The following FGF14 variants were observed in gnomAD, a reference collection of about 807,000 sequenced individuals.
FGF14 encodes fibroblast growth factor homologous factor 4.
Under a neutral mutation model 25.5 loss-of-function variants are expected in FGF14, and 5 were observed. The observed-to-expected ratio is 0.20, with a 90% CI of 0.10 to 0.41. The LOEUF (loss-of-function observed/expected upper bound fraction) is 0.41, where lower values mean the gene tolerates loss of function less well. FGF14 is among the 10% of genes least tolerant of loss of function. The pLI, the probability that FGF14 is intolerant of heterozygous loss-of-function variation, is 1.00. For missense variants in FGF14, 222 were observed against 320.1 expected (o/e 0.69, Z 2.34); for synonymous variants, 138 against 118.3 (o/e 1.17, Z -1.08).
intron 1 of FGF14, among the ~76,000 whole-genome samples, chr13:101,906,753 T>C (rs1324240764): frequency 2.0e-5 from 3 of 152,180 alleles, no homozygotes; most frequent in Admixed American, 6.6e-5. Flanking sequence ...AAGCTGTTTG[T>C]CATTTTGACA....
intron 3 of FGF14, among the ~76,000 whole-genome samples, chr13:101,790,268 T>C (rs2140086564): frequency 6.6e-6 from 1 of 152,256 alleles, no homozygotes; most frequent in East Asian, 1.9e-4. Flanking sequence ...CCATCTTTTA[T>C]GTAATTATAT....
intron 2 of FGF14, among the ~76,000 whole-genome samples, chr13:101,870,975 A>AATAAATAC (rs1555302665): frequency 1.4e-3 from 216 of 150,480 alleles, no homozygotes; most frequent in African/African-American, 1.8e-3. Context: ...TAAATAAATA[A>AATAAATAC]ATACATACAT....
chr13:102,359,835 C>T (rs181911668), intron 1 of FGF14, among the ~76,000 whole-genome samples: 118 of 147,732 alleles, frequency 8.0e-4, no homozygotes, highest in Middle Eastern at 3.5e-3. Context: ...GAGAAATAAA[C>T]CAAAATCAAC....
intron 1 of FGF14, among the ~76,000 whole-genome samples, chr13:102,089,915 A>G (rs981089293): frequency 2.6e-5 from 4 of 152,232 alleles, no homozygotes; most frequent in Non-Finnish European, 5.9e-5. Flanking sequence ...GTTTATACTT[A>G]GAAACTCTCT....
intron 1 of FGF14, among the ~76,000 whole-genome samples, chr13:102,170,339 T>C (rs1252379273): frequency 6.6e-6 from 1 of 152,068 alleles, no homozygotes; most frequent in Admixed American, 6.6e-5. Flanking sequence ...CTTCTCCCTG[T>C]CCTCCTCCTC....
intron 1 of FGF14, among the ~76,000 whole-genome samples, chr13:102,373,842 A>G (rs922661154): frequency 6.6e-6 from 1 of 152,144 alleles, no homozygotes; most frequent in Admixed American, 6.6e-5. Context: ...CTCTACCTTG[A>G]ATGCACACTG....
At chr13:102,340,714 T>C (rs1310881058) in intron 1 of FGF14, among the ~76,000 whole-genome samples, 2 of 152,138 alleles carry the variant, frequency 1.3e-5, no homozygotes, top group East Asian at 3.9e-4. Context: ...AAGAAGGCAG[T>C]CATAAAATGC....
At chr13:101,815,900 G>C (rs902393894) in intron 3 of FGF14, among the ~76,000 whole-genome samples, 23 of 152,158 alleles carry the variant, frequency 1.5e-4, no homozygotes, top group Non-Finnish European at 2.9e-4. Flanking sequence ...CTCTTAGCTA[G>C]AGACAAGGGG....
At chr13:102,252,822 T>A (rs1013178247) in intron 1 of FGF14, among the ~76,000 whole-genome samples, 2 of 151,994 alleles carry the variant, frequency 1.3e-5, no homozygotes, top group African/African-American at 4.8e-5. Flanking sequence ...CTCCCTTAGC[T>A]CCCCACCCCA....
intron 1 of FGF14, among the ~76,000 whole-genome samples, chr13:101,884,647 C>CTCCCACAAAGTA (rs1377772490): frequency 6.6e-6 from 1 of 152,096 alleles, no homozygotes; most frequent in East Asian, 1.9e-4. Flanking sequence ...AGAATCAACT[C>CTCCCACAAAGTA]TCCCACAAAG....
chr13:102,082,750 C>T (rs2043688825), intron 1 of FGF14, among the ~76,000 whole-genome samples: 1 of 151,832 alleles, frequency 6.6e-6, no homozygotes, highest in Non-Finnish European at 1.5e-5. Context: ...GTCAGGAGAT[C>T]GAGACCATCC....
At chr13:102,150,188 C>T (rs1398762518) in intron 1 of FGF14, among the ~76,000 whole-genome samples, 1 of 152,072 alleles carries the variant, frequency 6.6e-6, no homozygotes, top group South Asian at 2.1e-4. Flanking sequence ...GAATCTCGAC[C>T]TCAGAGATTA....
At chr13:102,099,220 G>A (rs1358925676) in intron 1 of FGF14, among the ~76,000 whole-genome samples, 1 of 152,194 alleles carries the variant, frequency 6.6e-6, no homozygotes, top group Non-Finnish European at 1.5e-5. Flanking sequence ...GACACAGAGA[G>A]AAGATAAATG....
At position 101,978,092 on chromosome 13, in the gene FGF14, A is replaced by G. The variant is rs1028507175; in HGVS notation, c.209-102796T>C. On this transcript the variant is annotated intron_variant, in intron 1 of 4. Coordinates refer to the FGF14 transcript ENST00000376131. The stretch of plus-strand genomic sequence containing the variant: ...ACTCTGTGATTAACTCCACTCATAT[A>G]TCTTCCAAAACAGGGAGATTTAAAC... Among the ~76,000 whole-genome samples, 4 of 152,344 alleles carry G rather than the reference A, an allele frequency of 2.6e-5. No individual in the cohort carries two copies. The South Asian group carries it at 8.3e-4, about 32-fold the overall frequency.
intron 1 of FGF14, among the ~76,000 whole-genome samples, chr13:102,093,764 G>A (rs1166324514): frequency 6.6e-6 from 1 of 150,512 alleles, no homozygotes; most frequent in Non-Finnish European, 1.5e-5. Flanking sequence ...GAGGTCTGCA[G>A]CTGTGGTTTC....
intron 3 of FGF14, among the ~76,000 whole-genome samples, chr13:101,762,045 C>T (rs1389699437): frequency 1.3e-5 from 2 of 152,252 alleles, no homozygotes; most frequent in South Asian, 2.1e-4. Flanking sequence ...GTGTAGCAAC[C>T]ATGTGAGGTA....
At chr13:101,980,049 G>T (rs969985882) in intron 1 of FGF14, among the ~76,000 whole-genome samples, 6 of 152,154 alleles carry the variant, frequency 3.9e-5, no homozygotes, top group African/African-American at 1.2e-4. Flanking sequence ...GAAATGCCAA[G>T]ACTCATGCTG....
intron 1 of FGF14, among the ~76,000 whole-genome samples, chr13:102,191,629 A>C (rs2049127637): frequency 1.3e-5 from 2 of 152,152 alleles, no homozygotes; most frequent in South Asian, 4.1e-4. Context: ...CAGTTCATAC[A>C]TTCTGCCCTA....
At chr13:102,367,099 A>T (rs990664942) in intron 1 of FGF14, among the ~76,000 whole-genome samples, 3 of 152,236 alleles carry the variant, frequency 2.0e-5, no homozygotes, top group African/African-American at 7.2e-5. Context: ...GCTTCTTAAA[A>T]TGGCAGTAAG....
Sources: gnomAD v4.1 joint callset for allele counts (sites outside exome capture counted in the v4.1 genomes callset) on GRCh38, gnomAD v4.1.1 for gene constraint, MANE v1.5 for transcripts, NCBI Gene and HGNC (gene_info 2026-07-23, HGNC 2026-07-21) for gene names.